NKAIN3: variants seen among roughly 807,000 people sequenced by gnomAD.
NKAIN3 encodes sodium/potassium-transporting ATPase subunit beta-1-interacting protein 3.
In NKAIN3, 25 loss-of-function variants were observed where a neutral mutation model predicts 30.2. The observed-to-expected ratio is 0.83, with a 90% CI of 0.60 to 1.16. The LOEUF is 1.16. NKAIN3 is among the 50% of genes most tolerant of loss of function. The pLI is 0.00. For synonymous variants in NKAIN3, 91 were observed against 89.6 expected, an observed-to-expected ratio of 1.02 and a Z score of -0.09; for missense variants, 225 against 254.1, an observed-to-expected ratio of 0.89 and a Z score of 0.78.
chr8:62,495,894 A>G (rs1807222780), intron 1 of NKAIN3, among the ~76,000 whole-genome samples: 2 of 152,094 alleles, frequency 1.3e-5, no homozygotes, highest in South Asian at 2.1e-4. Context: ...CCCACTGGAA[A>G]GCTCTTCAGT....
intron 4 of NKAIN3, among the ~76,000 whole-genome samples, chr8:62,884,345 G>T (rs1276616496): frequency 1.3e-5 from 2 of 151,514 alleles, no homozygotes; most frequent in African/African-American, 2.4e-5. Context: ...CACAACCTCT[G>T]TCTCCCGGGT....
intron 1 of NKAIN3, among the ~76,000 whole-genome samples, chr8:62,275,943 G>A (rs867251200): frequency 1.3e-5 from 2 of 152,114 alleles, no homozygotes; most frequent in East Asian, 1.9e-4. Flanking sequence ...TAGAAACTCA[G>A]GGTATCTTTT....
At chr8:62,461,179 A>G (rs545625863) in intron 1 of NKAIN3, among the ~76,000 whole-genome samples, 1 of 152,338 alleles carries the variant, frequency 6.6e-6, no homozygotes, top group Admixed American at 6.5e-5. Context: ...CCCTCAGCAA[A>G]GACAGAAGAT....
chr8:62,500,486 A>G (rs1029515252), intron 1 of NKAIN3, among the ~76,000 whole-genome samples: 1 of 142,950 alleles, frequency 7.0e-6, no homozygotes, highest in Non-Finnish European at 1.5e-5. Context: ...AGAAAGAAAG[A>G]AGAAAAGAAA....
intron 2 of NKAIN3, among the ~76,000 whole-genome samples, chr8:62,582,641 G>C (rs890729699): frequency 6.6e-6 from 1 of 152,074 alleles, no homozygotes; most frequent in Admixed American, 6.5e-5. Context: ...TCCATAGAAG[G>C]GGGACTATCA....
chr8:62,864,803 T>C (rs143754181), intron 4 of NKAIN3, among the ~76,000 whole-genome samples: 1 of 152,202 alleles, frequency 6.6e-6, no homozygotes, highest in Non-Finnish European at 1.5e-5. Context: ...AGAGTAGAAA[T>C]TGCTGACCTG....
intron 4 of NKAIN3, among the ~76,000 whole-genome samples, chr8:62,807,807 T>A (rs1563572239): frequency 6.7e-6 from 1 of 149,342 alleles, no homozygotes; most frequent in Non-Finnish European, 1.5e-5. Context: ...ATATATATAT[T>A]TGAAAACTCA....
intron 1 of NKAIN3, among the ~76,000 whole-genome samples, chr8:62,330,969 C>A (rs1025035509): frequency 2.0e-5 from 3 of 151,740 alleles, no homozygotes; most frequent in African/African-American, 7.3e-5. Context: ...AATCATTTTT[C>A]TCTAATCTCT....
At chr8:62,469,617 T>C (rs915906450) in intron 1 of NKAIN3, among the ~76,000 whole-genome samples, 1 of 152,156 alleles carries the variant, frequency 6.6e-6, no homozygotes, top group African/African-American at 2.4e-5. Flanking sequence ...ATGACTTTAT[T>C]TTTAAATGTG....
intron 1 of NKAIN3, among the ~76,000 whole-genome samples, chr8:62,486,139 A>G (rs1235349608): frequency 6.6e-6 from 1 of 152,178 alleles, no homozygotes; most frequent in African/African-American, 2.4e-5. Flanking sequence ...CTGAGGACAG[A>G]GTCCTAGGGA....
At chr8:62,916,209 AAGCATTAAT>A (rs1249533785) in intron 4 of NKAIN3, among the ~76,000 whole-genome samples, 2 of 152,192 alleles carry the variant, frequency 1.3e-5, no homozygotes, top group African/African-American at 4.8e-5. Context: ...AATTCAGGAA[AAGCATTAAT>A]ATTTTTCACA....
chr8:62,376,705 AG>A (rs1305711413), intron 1 of NKAIN3, among the ~76,000 whole-genome samples: 2 of 152,188 alleles, frequency 1.3e-5, no homozygotes, highest in African/African-American at 4.8e-5. Flanking sequence ...TCAAATGTTC[AG>A]CCTAGGGATT....
At chr8:62,960,901 G>A (rs1823553524) in intron 6 of NKAIN3, among the ~76,000 whole-genome samples, 1 of 151,860 alleles carries the variant, frequency 6.6e-6, no homozygotes, top group Non-Finnish European at 1.5e-5. Context: ...GAGAAAAAGA[G>A]AAAGAAAGAG....
intron 3 of NKAIN3, among the ~76,000 whole-genome samples, chr8:62,689,966 A>G (rs1813913410): frequency 6.6e-6 from 1 of 151,174 alleles, no homozygotes; most frequent in Non-Finnish European, 1.5e-5. Context: ...ATAAATAAAT[A>G]AATAAATAAA....
intron 3 of NKAIN3, among the ~76,000 whole-genome samples, chr8:62,740,811 C>T (rs1415124626): frequency 6.6e-6 from 1 of 151,818 alleles, no homozygotes; most frequent in African/African-American, 2.4e-5. Context: ...TTGGAATTCA[C>T]ACTAATGAAA....
intron 1 of NKAIN3, among the ~76,000 whole-genome samples, chr8:62,356,095 T>C (rs1161918206): frequency 1.3e-5 from 2 of 152,148 alleles, no homozygotes; most frequent in African/African-American, 4.8e-5. Flanking sequence ...ATCAACTCAT[T>C]TAACTGAGCT....
chr8:62,442,076 T>G (rs922161878), intron 1 of NKAIN3, among the ~76,000 whole-genome samples: 3 of 152,052 alleles, frequency 2.0e-5, no homozygotes, highest in Admixed American at 6.6e-5. Context: ...TGATATATTT[T>G]TGTAAATTGT....
At chr8:62,748,764 G>A (rs928443951) in intron 4 of NKAIN3, among the ~76,000 whole-genome samples, 1 of 152,186 alleles carries the variant, frequency 6.6e-6, no homozygotes, top group African/African-American at 2.4e-5. Flanking sequence ...GAAAGGGATT[G>A]CACCTTGATG....
At chr8:62,662,407 G>A (rs963428576) in intron 3 of NKAIN3, among the ~76,000 whole-genome samples, 7 of 152,166 alleles carry the variant, frequency 4.6e-5, no homozygotes, top group African/African-American at 9.7e-5. Flanking sequence ...GAAAGTGCAC[G>A]TCTCCTAGAA....
Sources: gnomAD v4.1 joint callset for allele counts (sites outside exome capture counted in the v4.1 genomes callset) on GRCh38, gnomAD v4.1.1 for gene constraint, MANE v1.5 for transcripts, NCBI Gene and HGNC (gene_info 2026-07-23, HGNC 2026-07-21) for gene names.